SPOCK1: variants seen among roughly 807,000 people sequenced by gnomAD.
SPOCK1 encodes the protein SPARC (osteonectin), cwcv and kazal like domains proteoglycan 1.
Under a neutral mutation model 55.3 loss-of-function variants are expected in SPOCK1, and 23 were observed. The observed-to-expected ratio is 0.42, with a 90% CI of 0.30 to 0.59. SPOCK1 has a LOEUF of 0.59. Among genes scored for constraint, SPOCK1 ranks in the 20% least tolerant of loss-of-function variants. The pLI, the probability that SPOCK1 is intolerant of heterozygous loss-of-function variation, is 0.22. For synonymous variants in SPOCK1, 226 were observed against 221.0 expected, an observed-to-expected ratio of 1.02 and a Z score of -0.20; for missense variants, 499 against 552.5, an observed-to-expected ratio of 0.90 and a Z score of 0.97.
intron 6 of SPOCK1, among the ~76,000 whole-genome samples, chr5:136,999,020 C>G (rs577935053): frequency 1.3e-5 from 2 of 152,156 alleles, no homozygotes; most frequent in African/African-American, 4.8e-5. Context: ...GGGAAGAAAA[C>G]GTGATCGCTC....
intron 6 of SPOCK1, among the ~76,000 whole-genome samples, chr5:137,008,295 T>TACACATACACACACAC (rs1554092580): frequency 7.2e-6 from 1 of 138,320 alleles, no homozygotes; most frequent in Non-Finnish European, 1.6e-5. Context: ...TAATAATAAA[T>TACACATACACACACAC]ACACACACAC....
intron 2 of SPOCK1, among the ~76,000 whole-genome samples, chr5:137,384,154 C>A (rs1751545477): frequency 6.6e-6 from 1 of 152,222 alleles, no homozygotes; most frequent in Admixed American, 6.5e-5. Context: ...CCAGCAAGCT[C>A]CCTATGGGGA....
chr5:137,010,457 G>A (rs1324320343), intron 6 of SPOCK1, among the ~76,000 whole-genome samples: 2 of 151,858 alleles, frequency 1.3e-5, no homozygotes, highest in Non-Finnish European at 2.9e-5. Flanking sequence ...GCATGTGTGT[G>A]GGACACTATG....
chr5:137,315,110 G>GA (rs982206924), intron 2 of SPOCK1, among the ~76,000 whole-genome samples: 25 of 151,790 alleles, frequency 1.6e-4, no homozygotes, highest in South Asian at 6.3e-4. Flanking sequence ...CTCTGATAGG[G>GA]AAAAAAAATG....
intron 5 of SPOCK1, among the ~76,000 whole-genome samples, chr5:137,108,292 AG>A (rs1462843655): frequency 6.6e-6 from 1 of 152,246 alleles, no homozygotes; most frequent in Non-Finnish European, 1.5e-5. Flanking sequence ...AGAATGCCAC[AG>A]GGGTCTAGAA....
At chr5:137,463,096 C>G (rs1194544806) in intron 2 of SPOCK1, among the ~76,000 whole-genome samples, 1 of 152,142 alleles carries the variant, frequency 6.6e-6, no homozygotes, top group African/African-American at 2.4e-5. Context: ...GTAATAAGAT[C>G]AGATTTAGGT....
chr5:137,279,428 A>G (rs1473750019), intron 2 of SPOCK1, among the ~76,000 whole-genome samples: 1 of 152,218 alleles, frequency 6.6e-6, no homozygotes, highest in Non-Finnish European at 1.5e-5. Context: ...AGTACCACTG[A>G]AGCTAGTTCT....
At chr5:137,448,876 C>G (rs1013569328) in intron 2 of SPOCK1, among the ~76,000 whole-genome samples, 2 of 152,218 alleles carry the variant, frequency 1.3e-5, no homozygotes, top group African/African-American at 4.8e-5. Flanking sequence ...TGGGGCAGGG[C>G]CCTATCAGAA....
chr5:137,054,930 A>C (rs2126999651), intron 6 of SPOCK1, among the ~76,000 whole-genome samples: 1 of 152,312 alleles, frequency 6.6e-6, no homozygotes, highest in South Asian at 2.1e-4. Context: ...CCAGTACATA[A>C]GGTCCAAAAT....
At chr5:137,170,214 A>G (rs1754727883) in intron 3 of SPOCK1, among the ~76,000 whole-genome samples, 1 of 152,106 alleles carries the variant, frequency 6.6e-6, no homozygotes, top group South Asian at 2.1e-4. Flanking sequence ...TAGTTGTTAT[A>G]TTGTTTTTAT....
chr5:137,100,565 T>C (rs571941478), intron 5 of SPOCK1, among the ~76,000 whole-genome samples: 134 of 152,314 alleles, frequency 8.8e-4, no homozygotes, highest in African/African-American at 3.1e-3. Flanking sequence ...ATGAGCTCAA[T>C]CTGACCAAAC....
intron 2 of SPOCK1, among the ~76,000 whole-genome samples, chr5:137,444,202 G>A (rs982722844): frequency 3.9e-5 from 6 of 152,034 alleles, no homozygotes; most frequent in East Asian, 1.9e-4. Flanking sequence ...TTCCCCACCT[G>A]ACACATCCTT....
At chr5:137,438,247 C>G (rs1418765777) in intron 2 of SPOCK1, among the ~76,000 whole-genome samples, 1 of 151,926 alleles carries the variant, frequency 6.6e-6, no homozygotes, top group Non-Finnish European at 1.5e-5. Flanking sequence ...TGATGGCGGT[C>G]TGCCCTCAAG....
chr5:137,498,862 C>A (rs1039287001), intron 1 of SPOCK1, among the ~76,000 whole-genome samples: 1 of 152,114 alleles, frequency 6.6e-6, no homozygotes, highest in Non-Finnish European at 1.5e-5. Context: ...GGCTTGGTAC[C>A]CCTCCCCAGA....
intron 2 of SPOCK1, among the ~76,000 whole-genome samples, chr5:137,483,726 C>G (rs1451413220): frequency 6.6e-6 from 1 of 152,158 alleles, no homozygotes; most frequent in Non-Finnish European, 1.5e-5. Context: ...TCACTAGATG[C>G]CAGTAGCACA....
intron 4 of SPOCK1, among the ~76,000 whole-genome samples, chr5:137,132,527 G>C (rs368201556): frequency 3.3e-5 from 5 of 152,222 alleles, no homozygotes; most frequent in African/African-American, 1.2e-4. Context: ...CAGAACTGCA[G>C]AGAAGGGCAG....
chr5:137,492,821 C>A (rs1561550019), intron 2 of SPOCK1, among the ~76,000 whole-genome samples: 1 of 152,194 alleles, frequency 6.6e-6, no homozygotes, highest in Non-Finnish European at 1.5e-5. Context: ...AGGCAAGTAG[C>A]CTTGCTGCAG....
chr5:137,496,220 G>A (rs1035908302), intron 2 of SPOCK1, among the ~76,000 whole-genome samples: 17 of 152,130 alleles, frequency 1.1e-4, no homozygotes, highest in African/African-American at 4.1e-4. Context: ...GTAGGACCAT[G>A]GATGCTATAA....
At chr5:137,297,968 G>A (rs1289285751) in intron 2 of SPOCK1, among the ~76,000 whole-genome samples, 1 of 152,160 alleles carries the variant, frequency 6.6e-6, no homozygotes, top group East Asian at 1.9e-4. Flanking sequence ...TTCAAAGGCG[G>A]TATTTTACTG....
Sources: allele counts gnomAD v4.1 joint callset (sites outside exome capture counted in the v4.1 genomes callset), GRCh38; gene constraint gnomAD v4.1.1; transcripts MANE v1.5; gene names NCBI Gene and HGNC (gene_info 2026-07-23, HGNC 2026-07-21).